PYCR3: variants seen among roughly 807,000 people sequenced by gnomAD.
PYCR3 encodes the protein P5C reductase 3.
PYCR3 carries 26 observed loss-of-function variants against 23.4 expected under a neutral mutation model. The observed-to-expected ratio is 1.11, with a 90% CI of 0.81 to 1.54. The LOEUF (loss-of-function observed/expected upper bound fraction) is 1.54. PYCR3 is among the 40% of genes most tolerant of loss of function. PYCR3 has a pLI of 0.00. For missense variants in PYCR3, 360 were observed against 376.3 expected, an observed-to-expected ratio of 0.96 and a Z score of 0.36; for synonymous variants, 194 against 162.6, an observed-to-expected ratio of 1.19 and a Z score of -1.47.
At position 143,605,195 on chromosome 8, in the gene PYCR3, G is replaced by A; in HGVS notation, c.*505C>T. 1 of 335,716 alleles carries A rather than the reference G, an allele frequency of 3.0e-6. No homozygotes were observed. The highest frequency in any genetic ancestry group is 5.8e-6 in the Non-Finnish European group (1 of 172,146). 20.8% of individuals were successfully genotyped at this position (335,716 alleles called of 1,614,324 possible). On this transcript the variant is annotated 3_prime_UTR_variant, in exon 6 of 6. Transcript: ENST00000495276. ...CCAGGGCCCCTGGCTTTACTGCAGGGGAGAGGGTCTCTTGTGCAGACCCCA... is the reference window on the plus strand; with the variant it reads ...CCAGGGCCCCTGGCTTTACTGCAGGAGAGAGGGTCTCTTGTGCAGACCCCA...
Position 143,605,015 on chromosome 8 carries a change from C to G in PYCR3, c.*685G>C, listed in dbSNP as rs971656031. On this transcript the variant is annotated 3_prime_UTR_variant, in exon 6 of 6. Coordinates refer to ENST00000495276, the MANE Select transcript of PYCR3 (RefSeq NM_023078.6). ...CCACCCTCCCAGACCTCAAGCCACC[C>G]CACCTACCACTGCCCACCTGGTGCC... 7 of 455,868 alleles carry G rather than the reference C, an allele frequency of 1.5e-5. No individual in the cohort carries two copies. In the Admixed American group the frequency reaches 1.7e-4, roughly 11 times the overall value. The allele number at this position is 455,868 out of a possible 1,614,324, so 28.2% of individuals were successfully genotyped here. A position where few individuals can be genotyped will look rare whatever the true frequency, so the allele number is the denominator to read the frequency against.
In PYCR3 at chr8:143,603,935, C is replaced by T. The variant is rs2005166; in HGVS notation, c.*1765G>A. On this transcript the variant is annotated 3_prime_UTR_variant, in exon 6 of 6. Coordinates refer to ENST00000495276, the MANE Select transcript of PYCR3 (RefSeq NM_023078.6). Reference sequence around the variant, plus strand: ...TTTCCAAGACAGAGTCTTGCTGTCACCCAGGCTGGAGTGCAGTGGCATGAT... The same window carrying T: ...TTTCCAAGACAGAGTCTTGCTGTCATCCAGGCTGGAGTGCAGTGGCATGAT... The T allele has an allele frequency of 5.9e-3, 894 of 151,836 alleles. 5 individuals carry two copies. The highest frequency in any genetic ancestry group is 9.6e-3 in the Non-Finnish European group (654 of 67,896). The allele number at this position is 151,836 out of a possible 1,614,324, so 9.4% of individuals were successfully genotyped here. A position where few individuals can be genotyped will look rare whatever the true frequency, so the allele number is the denominator to read the frequency against.
In PYCR3 at chr8:143,604,753, G is replaced by C. The variant is rs969483282; in HGVS notation, c.*947C>G. 1 of 403,218 alleles carries C rather than the reference G, an allele frequency of 2.5e-6. No homozygotes were observed. Among genetic ancestry groups the C allele is most frequent in the East Asian group, 7.5e-5 (1 of 13,356 alleles). 25.0% of individuals were successfully genotyped at this position (403,218 alleles called of 1,614,324 possible). A position where few individuals can be genotyped will look rare whatever the true frequency, so the allele number is the denominator to read the frequency against. On this transcript the variant is annotated 3_prime_UTR_variant, in exon 6 of 6. Coordinates refer to ENST00000495276, the MANE Select transcript of PYCR3 (RefSeq NM_023078.6). The stretch of plus-strand genomic sequence containing the variant: ...TCCTGGGGGTTTGCTTCTCCCCTGA[G>C]TCCTGGCTTTCCTGACCTGCCGTCC...
At chr8:143,606,740 C>T in intron 3 of PYCR3, 61 bp from the exon 4 acceptor site, 1 of 1,494,908 alleles carries the variant, frequency 6.7e-7, no homozygotes, top group Non-Finnish European at 9.0e-7. Context: ...GGGCAGGCCC[C>T]AGCAGGGGCC....
intron 4 of PYCR3, 131 bp from the exon 5 acceptor site, chr8:143,606,285 G>C: frequency 6.3e-6 from 7 of 1,119,190 alleles, no homozygotes; most frequent in Non-Finnish European, 9.0e-6. Context: ...GTCTGCAAAG[G>C]GGCTGGCCTC....
At position 143,604,997 on chromosome 8, in the gene PYCR3, C is replaced by T. The variant is rs763539891; in HGVS notation, c.*703G>A. 5 of 473,020 alleles carry T rather than the reference C, an allele frequency of 1.1e-5. No homozygotes were observed. Among genetic ancestry groups the T allele is most frequent in the Non-Finnish European group, 2.1e-5 (5 of 237,292 alleles). 29.3% of individuals were successfully genotyped at this position (473,020 alleles called of 1,614,324 possible). A position where few individuals can be genotyped will look rare whatever the true frequency, so the allele number is the denominator to read the frequency against. On this transcript the variant is annotated 3_prime_UTR_variant, in exon 6 of 6. Coordinates refer to ENST00000495276, the MANE Select transcript of PYCR3 (RefSeq NM_023078.6). ...TGTCCTGGCTGGCCAGGGCCACCCT[C>T]CCAGACCTCAAGCCACCCCACCTAC...
chr8:143,606,001 G>T (rs141900998), intron 5 of PYCR3, 61 bp downstream of exon 5: 6 of 1,558,650 alleles, frequency 3.8e-6, no homozygotes, highest in Non-Finnish European at 5.2e-6. Flanking sequence ...GTTTCCCTGC[G>T]CACTGGAAGA....
intron 1 of PYCR3, chr8:143,608,616 GGGGTGGAAAGATT>G (rs1369160827): frequency 3.1e-6 from 1 of 324,786 alleles, no homozygotes; most frequent in African/African-American, 2.2e-5. Context: ...TGTCGGGTAC[GGGGTGGAAAGATT>G]GGGTTAGATT....
At position 143,605,688 on chromosome 8, in the gene PYCR3, C is replaced by T. The variant is rs546275972; in HGVS notation, c.*12G>A. ...GGGGCACAGAGGCAGGAAAGGATGG[C>T]CAGAGCCCAGCCTACTTTCTGCTGA... On this transcript the variant is annotated 3_prime_UTR_variant, in exon 6 of 6. Transcript: ENST00000495276. 2.7e-5 allele frequency: 43 copies of T among 1,582,148 alleles called. 2 individuals are homozygous for T. The highest frequency in any genetic ancestry group is 3.9e-4 in the Middle Eastern group (2 of 5,066).
In PYCR3 at chr8:143,608,095, A is replaced by C. The variant is rs750271807; in HGVS notation, c.123T>G (p.Ser41Arg). ...GKVEAQHILA[S>R]APTDRNLCHF... ...GACATAGGTTCCTGTCTGTTGGTGC[A>C]CTGGCCAGTATGTGCTGAGCTTCCA... is the stretch of plus-strand genomic sequence containing the variant. The change falls in exon 2 of 6, where the codon AGT becomes AGG. Residue 41 changes from serine to arginine, a missense_variant. Transcript: ENST00000495276. 4 of 1,613,698 alleles carry C rather than the reference A, an allele frequency of 2.5e-6. No homozygotes were observed. Among genetic ancestry groups the C allele is most frequent in the Non-Finnish European group, 2.5e-6 (3 of 1,179,706 alleles).
At position 143,604,599 on chromosome 8, in the gene PYCR3, C is replaced by G; in HGVS notation, c.*1101G>C. On this transcript the variant is annotated 3_prime_UTR_variant, in exon 6 of 6. Coordinates refer to ENST00000495276, the MANE Select transcript of PYCR3 (RefSeq NM_023078.6). ...CCTCCAGAGGCTGTTGGGCGGAAGCCGAGAGCTGCAGCAGTTGGGGCCAGC... is the reference window on the plus strand; with the variant it reads ...CCTCCAGAGGCTGTTGGGCGGAAGCGGAGAGCTGCAGCAGTTGGGGCCAGC... The G allele has an allele frequency of 3.3e-6, 1 of 306,972 alleles. No individual in the cohort carries two copies. Among genetic ancestry groups the G allele is most frequent in the Admixed American group, 4.9e-5 (1 of 20,312 alleles). The allele number at this position is 306,972 out of a possible 1,614,324, so 19.0% of individuals were successfully genotyped here. A position where few individuals can be genotyped will look rare whatever the true frequency, so the allele number is the denominator to read the frequency against.
In PYCR3 at chr8:143,606,673, GC is replaced by G; in HGVS notation, c.342del (p.Pro116GlnfsTer21). On this transcript the variant is annotated frameshift_variant, in exon 4 of 6. Coordinates refer to ENST00000495276, the MANE Select transcript of PYCR3 (RefSeq NM_023078.6). LOFTEE classifies it high-confidence loss of function. Reference protein sequence around the residue: ...GVSLSTLEELLPPNTRVLRVL... With the variant: ...GVSLSTLEELXPPNTRVLRVL... ...ACCCGCAGCACCCGTGTGTTTGGGG[GC>G]AGCAGCTGGCCAGAGAGAGGTCAGA... The G allele has an allele frequency of 6.3e-7, 1 of 1,586,626 alleles. No homozygotes were observed. Among genetic ancestry groups the G allele is most frequent in the African/African-American group, 1.3e-5 (1 of 74,556 alleles).
rs1829354790 is a variant in PYCR3 at position 143,605,066 on chromosome 8, C to T, written c.*634G>A. On this transcript the variant is annotated 3_prime_UTR_variant, in exon 6 of 6. Coordinates refer to ENST00000495276, the MANE Select transcript of PYCR3 (RefSeq NM_023078.6). Reference sequence around the variant, plus strand: ...ACCCCAGCACTGCCGCAGACCTGGCCCAGCAGCTCCTGCTCCTTAGCAGGG... The same window carrying T: ...ACCCCAGCACTGCCGCAGACCTGGCTCAGCAGCTCCTGCTCCTTAGCAGGG... 1 of 399,550 alleles carries T rather than the reference C, an allele frequency of 2.5e-6. No individual in the cohort carries two copies. The highest frequency in any genetic ancestry group is 5.0e-6 in the Non-Finnish European group (1 of 200,854). The allele number at this position is 399,550 out of a possible 1,614,324, so 24.8% of individuals were successfully genotyped here.
In PYCR3 at chr8:143,603,819, A is replaced by G. The variant is rs1829315393; in HGVS notation, c.*1881T>C. The stretch of plus-strand genomic sequence containing the variant: ...GCATGGGGAGACCTCTGCTGTCCAC[A>G]GTGCCAGCACCCCCTTCGGCTGACA... On this transcript the variant is annotated 3_prime_UTR_variant, in exon 6 of 6. Coordinates refer to ENST00000495276, the MANE Select transcript of PYCR3 (RefSeq NM_023078.6). 1 of 151,990 alleles carries G rather than the reference A, an allele frequency of 6.6e-6. No homozygotes were observed. The highest frequency in any genetic ancestry group is 1.5e-5 in the Non-Finnish European group (1 of 68,032). 9.4% of individuals were successfully genotyped at this position (151,990 alleles called of 1,614,324 possible). A position where few individuals can be genotyped will look rare whatever the true frequency, so the allele number is the denominator to read the frequency against.
intron 5 of PYCR3, 45 bp downstream of exon 5, chr8:143,606,017 A>T: frequency 6.3e-7 from 1 of 1,579,572 alleles, no homozygotes; most frequent in Non-Finnish European, 8.6e-7. Context: ...GAAGAGGTAC[A>T]GGCCTGGGCC....
At chr8:143,606,421 CCT>C in intron 4 of PYCR3, 44 bp downstream of exon 4, 11 of 1,593,580 alleles carry the variant, frequency 6.9e-6, no homozygotes, top group Non-Finnish European at 9.4e-6. Context: ...GGGTGGGCCC[CCT>C]CTTTGCCGAG....
chr8:143,606,114 T>G lies in PYCR3; in HGVS notation c.590A>C (p.Lys197Thr). 1 of 1,610,966 alleles carries G rather than the reference T, an allele frequency of 6.2e-7. No individual in the cohort carries two copies. Among genetic ancestry groups the G allele is most frequent in the Non-Finnish European group, 8.5e-7 (1 of 1,179,256 alleles). Residue 197 changes from lysine to threonine, a missense_variant, in exon 5 of 6, where the codon AAG (lysine) becomes ACG (threonine). Transcript: ENST00000495276. ...GGCCAGGCTGCTGGGCATGCCCATCTTGACGGCTCCTTCAGCCAGGGCCTC... is the reference window on the plus strand; with the variant it reads ...GGCCAGGCTGCTGGGCATGCCCATCGTGACGGCTCCTTCAGCCAGGGCCTC... ...FSEALAEGAV[K>T]MGMPSSLAHR...
intron 1 of PYCR3, among the ~76,000 whole-genome samples, chr8:143,609,217 C>T (rs1587292072): frequency 6.6e-6 from 1 of 152,236 alleles, no homozygotes; most frequent in Admixed American, 6.5e-5. Context: ...AAGAGGTGAG[C>T]CTGGCCAAGG....
chr8:143,606,025 G>T, intron 5 of PYCR3, 37 bp downstream of exon 5: 1 of 1,586,824 alleles, frequency 6.3e-7, no homozygotes, highest in Non-Finnish European at 8.6e-7. Flanking sequence ...ACAGGCCTGG[G>T]CCTTCCCGAT....
Sources: gnomAD v4.1 joint callset for allele counts (sites outside exome capture counted in the v4.1 genomes callset) on GRCh38, gnomAD v4.1.1 for gene constraint, MANE v1.5 for transcripts, NCBI Gene and HGNC (gene_info 2026-07-23, HGNC 2026-07-21) for gene names.